The following DCC variants were observed in gnomAD, a reference collection of about 807,000 sequenced individuals.
The protein encoded by DCC is netrin receptor DCC.
DCC carries 58 observed loss-of-function variants against 172.5 expected under a neutral mutation model. That is an observed-to-expected ratio of 0.34 (90% CI 0.27 to 0.42). The LOEUF is 0.42. Among genes scored for constraint, DCC ranks in the 10% least tolerant of loss-of-function variants. The probability of loss-of-function intolerance (pLI) is 1.00; values close to 1 mark genes in which losing one functional copy is unlikely to be tolerated. For missense variants in DCC, 1,740 were observed against 1,791.0 expected, an observed-to-expected ratio of 0.97 and a Z score of 0.51; for synonymous variants, 709 against 644.5, an observed-to-expected ratio of 1.10 and a Z score of -1.52.
At chr18:52,440,967 T>C (rs1342028585) in intron 1 of DCC, among the ~76,000 whole-genome samples, 1 of 152,226 alleles carries the variant, frequency 6.6e-6, no homozygotes, top group Non-Finnish European at 1.5e-5. Context: ...ACTACATTGT[T>C]ATAAACCACA....
At chr18:52,633,701 G>C (rs182381808) in intron 1 of DCC, among the ~76,000 whole-genome samples, 58 of 152,282 alleles carry the variant, frequency 3.8e-4, no homozygotes, top group African/African-American at 1.2e-3. Context: ...CCAACCTAGA[G>C]TTTGGCTGTT....
chr18:52,998,359 A>G (rs2143834232), intron 5 of DCC, among the ~76,000 whole-genome samples: 1 of 152,198 alleles, frequency 6.6e-6, no homozygotes, highest in East Asian at 1.9e-4. Flanking sequence ...AACTGAACTA[A>G]GAAATAGTGG....
chr18:52,488,719 C>T (rs1409657934), intron 1 of DCC, among the ~76,000 whole-genome samples: 1 of 152,086 alleles, frequency 6.6e-6, no homozygotes, highest in East Asian at 1.9e-4. Flanking sequence ...TTTCAAGCTA[C>T]ATTGAAACCA....
At chr18:53,439,771 T>G (rs1035684827) in intron 22 of DCC, among the ~76,000 whole-genome samples, 1 of 137,994 alleles carries the variant, frequency 7.2e-6, no homozygotes, top group Non-Finnish European at 1.6e-5. Context: ...GTATTTTTCT[T>G]TTTTTTTTTT....
chr18:53,202,162 A>T (rs889743841), intron 9 of DCC, among the ~76,000 whole-genome samples: 6 of 152,180 alleles, frequency 3.9e-5, no homozygotes, highest in Admixed American at 3.3e-4. Context: ...ATTCCCCACT[A>T]AAAGAACCAG....
chr18:53,010,723 A>G (rs2041716726), intron 5 of DCC, among the ~76,000 whole-genome samples: 1 of 150,914 alleles, frequency 6.6e-6, no homozygotes. Flanking sequence ...AATTATTTAT[A>G]ATGTTTATGA....
At chr18:53,463,370 T>C (rs1202715493) in intron 24 of DCC, among the ~76,000 whole-genome samples, 3 of 152,176 alleles carry the variant, frequency 2.0e-5, no homozygotes, top group Non-Finnish European at 2.9e-5. Flanking sequence ...AGGACCTCGT[T>C]GCCAATTTTG....
intron 1 of DCC, among the ~76,000 whole-genome samples, chr18:52,514,552 A>T (rs1315626309): frequency 1.3e-5 from 2 of 152,242 alleles, no homozygotes; most frequent in African/African-American, 4.8e-5. Context: ...AGACTTGGAA[A>T]TGTGATTGGT....
chr18:52,768,372 G>A (rs2037288472), intron 2 of DCC, among the ~76,000 whole-genome samples: 1 of 152,130 alleles, frequency 6.6e-6, no homozygotes, highest in Non-Finnish European at 1.5e-5. Flanking sequence ...CTTACCTATG[G>A]TAAATCGCCA....
At chr18:52,585,547 C>T (rs1291561419) in intron 1 of DCC, among the ~76,000 whole-genome samples, 1 of 152,092 alleles carries the variant, frequency 6.6e-6, no homozygotes, top group Non-Finnish European at 1.5e-5. Context: ...AGATTGGTTT[C>T]CAGTCAGGAA....
At chr18:53,230,891 G>T (rs17488580) in intron 12 of DCC, among the ~76,000 whole-genome samples, 50,091 of 151,824 alleles carry the variant, frequency 0.33, 9,478 homozygotes, top group Non-Finnish European at 0.44. Flanking sequence ...GTGAAGGAAG[G>T]ATGTAAGTCT....
At chr18:52,467,053 A>AT (rs1285164616) in intron 1 of DCC, among the ~76,000 whole-genome samples, 3,196 of 150,776 alleles carry the variant, frequency 0.021, 119 homozygotes, top group African/African-American at 0.073. Flanking sequence ...TTAAAAAAAA[A>AT]ATATATATAT....
intron 9 of DCC, among the ~76,000 whole-genome samples, chr18:53,199,731 G>A (rs1033761819): frequency 3.9e-5 from 6 of 151,958 alleles, no homozygotes; most frequent in African/African-American, 1.2e-4. Context: ...ACAGAGCCTC[G>A]ACACTAGCCA....
intron 5 of DCC, among the ~76,000 whole-genome samples, chr18:52,927,230 T>C (rs2040232267): frequency 7.4e-6 from 1 of 135,248 alleles, no homozygotes; most frequent in African/African-American, 2.8e-5. Flanking sequence ...TATATGCACA[T>C]ATATACTTAT....
intron 1 of DCC, among the ~76,000 whole-genome samples, chr18:52,473,048 C>G (rs1182985613): frequency 6.6e-6 from 1 of 152,196 alleles, no homozygotes; most frequent in Non-Finnish European, 1.5e-5. Flanking sequence ...GGTAGGCAAA[C>G]AGGATTTTTG....
intron 21 of DCC, among the ~76,000 whole-genome samples, chr18:53,427,872 A>T (rs1451463967): frequency 1.4e-5 from 1 of 73,660 alleles, no homozygotes; most frequent in Non-Finnish European, 3.1e-5. Flanking sequence ...TAATATATAA[A>T]TATATACATA....
intron 5 of DCC, among the ~76,000 whole-genome samples, chr18:52,986,949 A>C (rs2041306463): frequency 6.6e-6 from 1 of 151,870 alleles, no homozygotes; most frequent in Non-Finnish European, 1.5e-5. Context: ...CAGCCTCCCA[A>C]GTAGCTGGGA....
chr18:53,479,552 C>T (rs949008291), intron 25 of DCC, among the ~76,000 whole-genome samples: 1 of 152,128 alleles, frequency 6.6e-6, no homozygotes, highest in Non-Finnish European at 1.5e-5. Context: ...TAGAGTTATG[C>T]AGACACAGTC....
At chr18:52,879,412 C>CCTTTTTTTTTTTTTTTTTTTTTT (rs2039447955) in intron 2 of DCC, among the ~76,000 whole-genome samples, 2 of 62,356 alleles carry the variant, frequency 3.2e-5, no homozygotes, top group African/African-American at 1.4e-4. Flanking sequence ...TGTTGTTTGG[C>CCTTTTTTTTTTTTTTTTTTTTTT]TTTTTTTTTT....
Sources: gnomAD v4.1 joint callset for allele counts (sites outside exome capture counted in the v4.1 genomes callset) on GRCh38, gnomAD v4.1.1 for gene constraint, MANE v1.5 for transcripts, NCBI Gene and HGNC (gene_info 2026-07-23, HGNC 2026-07-21) for gene names.